The following ANGPT2 variants were observed in gnomAD, a reference collection of about 807,000 sequenced individuals.
ANGPT2 encodes the protein angiopoietin 2.
ANGPT2 carries 28 observed loss-of-function variants against 62.9 expected under a neutral mutation model. That is an observed-to-expected ratio of 0.44 (90% CI 0.33 to 0.61). The LOEUF is 0.61. ANGPT2 is among the 20% of genes least tolerant of loss of function. ANGPT2 has a pLI of 0.03. For synonymous variants in ANGPT2, 284 were observed against 207.8 expected (o/e 1.37, Z -3.15); for missense variants, 727 against 594.9 (o/e 1.22, Z -2.31).
Position 6,527,565 on chromosome 8 carries a change from C to G in ANGPT2, c.556G>C (p.Asp186His), listed in dbSNP as rs190699250. The change falls in exon 3 of 9, where the codon GAT becomes CAT. Residue 186 changes from aspartate to histidine, a missense_variant. Transcript: ENST00000629816. Reference sequence around the variant, plus strand: ...TAGTACTGTTATTACCTGTTCTTATCTTGCAATTTGTTTATTTCACTGGTC... The same window carrying G: ...TAGTACTGTTATTACCTGTTCTTATGTTGCAATTTGTTTATTTCACTGGTC... ...DQTSEINKLQ[D>H]KNSFLEKKVL... 5.6e-6 allele frequency: 9 copies of G among 1,613,716 alleles called. No homozygotes were observed. In the East Asian group the frequency reaches 1.6e-4, roughly 28 times the overall value.
At chr8:6,506,688 G>C (rs1328258251) in intron 8 of ANGPT2, among the ~76,000 whole-genome samples, 1 of 151,918 alleles carries the variant, frequency 6.6e-6, no homozygotes, top group Non-Finnish European at 1.5e-5. Context: ...TCAATAGGAG[G>C]GCTTTGCTCA....
chr8:6,537,293 G>T (rs1363339449), intron 1 of ANGPT2, among the ~76,000 whole-genome samples: 1 of 152,116 alleles, frequency 6.6e-6, no homozygotes, highest in Non-Finnish European at 1.5e-5. Flanking sequence ...CGAGGACAGT[G>T]TGTGTTTATT....
intron 1 of ANGPT2, among the ~76,000 whole-genome samples, chr8:6,535,289 G>C (rs1192353999): frequency 6.6e-6 from 1 of 152,020 alleles, no homozygotes; most frequent in African/African-American, 2.4e-5. Flanking sequence ...AGATATGAGA[G>C]GATTGTTTAT....
chr8:6,501,136 A>G lies in ANGPT2; in HGVS notation c.*1965T>C, dbSNP rs1183408539. On this transcript the variant is annotated 3_prime_UTR_variant, in exon 9 of 9. Coordinates refer to ENST00000629816, the MANE Select transcript of ANGPT2 (RefSeq NM_001118887.2). ...TAGGGAGGTTCTTAACTAGTTAAAT[A>G]GTTGTTGGAAAAGTGCACCTTGGTG... 1.3e-5 allele frequency: 2 copies of G among 152,260 alleles called. No homozygotes were observed. Among genetic ancestry groups the G allele is most frequent in the Non-Finnish European group, 2.9e-5 (2 of 68,050 alleles). The allele number at this position is 152,260 out of a possible 1,614,324, so 9.4% of individuals were successfully genotyped here.
chr8:6,547,713 G>T (rs563238332), intron 1 of ANGPT2, among the ~76,000 whole-genome samples: 52 of 152,096 alleles, frequency 3.4e-4, no homozygotes, highest in African/African-American at 1.2e-3. Context: ...CAGCAACACT[G>T]GTTCACACAA....
chr8:6,521,594 G>A (rs1158578172), intron 3 of ANGPT2, among the ~76,000 whole-genome samples, 184 bp from the exon 4 acceptor site: 2 of 152,178 alleles, frequency 1.3e-5, no homozygotes, highest in South Asian at 2.1e-4. Context: ...ATAAATGTGT[G>A]TATATATGTA....
At chr8:6,543,967 G>A (rs1822076200) in intron 1 of ANGPT2, among the ~76,000 whole-genome samples, 1 of 152,134 alleles carries the variant, frequency 6.6e-6, no homozygotes, top group Admixed American at 6.5e-5. Context: ...AATCTTTAAA[G>A]TTGCAATATA....
At chr8:6,518,358 C>T (rs987199649) in intron 5 of ANGPT2, among the ~76,000 whole-genome samples, 7 of 152,328 alleles carry the variant, frequency 4.6e-5, no homozygotes, top group African/African-American at 1.2e-4. Context: ...AGAGTCTGTT[C>T]GTTGCCTTTT....
intron 2 of ANGPT2, among the ~76,000 whole-genome samples, chr8:6,529,882 G>C (rs529029533): frequency 6.7e-6 from 1 of 148,632 alleles, no homozygotes; most frequent in African/African-American, 2.5e-5. Context: ...CACAATAGGC[G>C]TTTTTTTTTT....
At chr8:6,549,171 C>T (rs1401137328) in intron 1 of ANGPT2, among the ~76,000 whole-genome samples, 1 of 152,186 alleles carries the variant, frequency 6.6e-6, no homozygotes, top group Non-Finnish European at 1.5e-5. Flanking sequence ...TGGGTTTGTA[C>T]AGTTGAGTGT....
intron 8 of ANGPT2, among the ~76,000 whole-genome samples, chr8:6,505,332 TAG>T (rs1813244364): frequency 1.8e-5 from 1 of 56,956 alleles, no homozygotes; most frequent in African/African-American, 1.1e-4. Flanking sequence ...TATATACATA[TAG>T]AAAGAATATA....
rs376528973 is a variant in ANGPT2 at position 6,521,183 on chromosome 8, G to A, written c.794C>T (p.Ser265Leu). ...AGCATGATATGTAAACTTACAGTTT[G>A]ATGTGGACATCATAGTCAGTAAGTT... is the stretch of plus-strand genomic sequence containing the variant. ...VNNLLTMMST[S>L]NSKDPTVAKE... Residue 265 changes from serine (S) to leucine (L), a missense_variant, in exon 4 of 9, where the codon TCA (serine) becomes TTA (leucine). Transcript: ENST00000629816. The A allele has an allele frequency of 6.2e-7, 1 of 1,611,186 alleles. No homozygotes were observed. Among genetic ancestry groups the A allele is most frequent in the Non-Finnish European group, 8.5e-7 (1 of 1,177,666 alleles).
chr8:6,537,238 A>G (rs891767195), intron 1 of ANGPT2, among the ~76,000 whole-genome samples: 1 of 152,048 alleles, frequency 6.6e-6, no homozygotes, highest in Admixed American at 6.6e-5. Context: ...CATGAGCGTG[A>G]TCTGTAGGCA....
chr8:6,532,470 C>G lies in ANGPT2; in HGVS notation c.306G>C (p.Gln102His). 1.2e-6 allele frequency: 2 copies of G among 1,612,414 alleles called. No individual in the cohort carries two copies. The highest frequency in any genetic ancestry group is 1.7e-6 in the Non-Finnish European group (2 of 1,179,552). Reference protein sequence around the residue: ...QWLMKLENYIQDNMKKEMVEI... With the variant: ...QWLMKLENYIHDNMKKEMVEI... ...CTACCATTTCTTTCTTCATGTTGTC[C>G]TGGATATAATTCTCAAGCTAGAAAA... Residue 102 changes from glutamine (Q) to histidine (H), a missense_variant, in exon 2 of 9, where the codon CAG becomes CAC. Coordinates refer to ENST00000629816, the MANE Select transcript of ANGPT2 (RefSeq NM_001118887.2).
chr8:6,531,653 A>T (rs1337127767), intron 2 of ANGPT2, among the ~76,000 whole-genome samples: 2 of 152,148 alleles, frequency 1.3e-5, no homozygotes, highest in African/African-American at 2.4e-5. Flanking sequence ...AGAATCTCAC[A>T]GTGGAAAGAG....
rs774652968 is a variant in ANGPT2, at chr8:6,532,377, G to T, written c.399C>A (p.Asn133Lys). 1 of 1,613,996 alleles carries T rather than the reference G, an allele frequency of 6.2e-7. No homozygotes were observed. The highest frequency in any genetic ancestry group is 2.2e-5 in the East Asian group (1 of 44,864). The change falls in exon 2 of 9, where the codon AAC becomes AAA. Residue 133 changes from asparagine (N) to lysine (K), a missense_variant. By Grantham distance (94) the Asn-to-Lys change is moderately conservative. Coordinates refer to ENST00000629816, the MANE Select transcript of ANGPT2 (RefSeq NM_001118887.2). Reference sequence around the variant, plus strand: ...ACTTCCGCGTTTGCTCCGCTGTTTGGTTCAACAGGTTTGTCCCTATTTCTA... The same window carrying T: ...ACTTCCGCGTTTGCTCCGCTGTTTGTTTCAACAGGTTTGTCCCTATTTCTA... ...VMIEIGTNLL[N>K]QTAEQTRKLT... is the part of the protein sequence containing the mutation.
At chr8:6,543,830 C>T (rs1474299132) in intron 1 of ANGPT2, among the ~76,000 whole-genome samples, 3 of 152,038 alleles carry the variant, frequency 2.0e-5, no homozygotes, top group African/African-American at 7.3e-5. Flanking sequence ...TAATTTAAAC[C>T]CCCTGTGTGC....
In ANGPT2 at chr8:6,563,218, C is replaced by G. The variant is rs916446658; in HGVS notation, c.-284G>C. ...GAGCAGCTTTCACGGTCCTTTGTTC[C>G]TCTCTCCCCAGATCCTACAGTGTCA... is the stretch of plus-strand genomic sequence containing the variant. On this transcript the variant is annotated 5_prime_UTR_variant, in exon 1 of 9. Transcript: ENST00000629816. The G allele has an allele frequency of 1.8e-5, 5 of 272,554 alleles. No homozygotes were observed. Among genetic ancestry groups the G allele is most frequent in the African/African-American group, 1.1e-4 (5 of 47,394 alleles). The allele number at this position is 272,554 out of a possible 1,614,324, so 16.9% of individuals were successfully genotyped here.
intron 1 of ANGPT2, among the ~76,000 whole-genome samples, chr8:6,537,076 C>T (rs1380340996): frequency 6.6e-6 from 1 of 152,062 alleles, no homozygotes; most frequent in East Asian, 1.9e-4. Flanking sequence ...GTCATCTGCA[C>T]CGAACTGCTC....
Sources: gnomAD v4.1 joint callset for allele counts (sites outside exome capture counted in the v4.1 genomes callset) on GRCh38, gnomAD v4.1.1 for gene constraint, MANE v1.5 for transcripts, NCBI Gene and HGNC (gene_info 2026-07-23, HGNC 2026-07-21) for gene names.